DMD: variants seen among roughly 807,000 people sequenced by gnomAD.
DMD encodes the protein mutant dystrophin.
Under a neutral mutation model 330.1 loss-of-function variants are expected in DMD, and 63 were observed. The observed-to-expected ratio is 0.19, with a 90% CI of 0.16 to 0.24. The LOEUF is 0.24. DMD is among the 10% of genes least tolerant of loss of function. The pLI, the probability that DMD is intolerant of heterozygous loss-of-function variation, is 1.00. For missense variants in DMD, 3,344 were observed against 2,684.1 expected, an observed-to-expected ratio of 1.25 and a Z score of -5.43; for synonymous variants, 1,223 against 959.8, an observed-to-expected ratio of 1.27 and a Z score of -5.07.
At chrX:32,493,369 T>A (rs1368243207) in intron 19 of DMD, among the ~76,000 whole-genome samples, 13 of 111,672 alleles carry the variant, frequency 1.2e-4, no homozygotes, top group Non-Finnish European at 1.9e-5. Context: ...CCCCTCCTTC[T>A]TCCCTGATAT....
At chrX:32,493,187 C>T (rs1338890308) in intron 19 of DMD, among the ~76,000 whole-genome samples, 3 of 111,334 alleles carry the variant, frequency 2.7e-5, no homozygotes, top group Non-Finnish European at 5.7e-5. Flanking sequence ...CTTTCACTTC[C>T]CTCTGCCCTG....
At chrX:32,161,076 G>A (rs771906259) in intron 44 of DMD, among the ~76,000 whole-genome samples, 1 of 111,473 alleles carries the variant, frequency 9.0e-6, no homozygotes, top group Non-Finnish European at 1.9e-5. Context: ...TTTTATTCTT[G>A]CTTCCTATAT....
chrX:32,786,328 G>A lies in DMD; in HGVS notation c.649+23165C>T, dbSNP rs370224958. Among the ~76,000 whole-genome samples, 4 of 109,416 alleles carry A rather than the reference G, an allele frequency of 3.7e-5. No homozygotes were observed. The East Asian group carries it at 8.6e-4, about 23-fold the overall frequency. ...TCTAGATAAGAGATGTTCACATCAC[G>A]ACCTCACTGAGGAAATATTTGAGAT... On this transcript the variant is annotated intron_variant, in intron 7 of 78. Coordinates refer to ENST00000357033, the MANE Select transcript of DMD (RefSeq NM_004006.3).
chrX:32,627,761 G>C (rs983545881), intron 11 of DMD, among the ~76,000 whole-genome samples: 2 of 111,082 alleles, frequency 1.8e-5, no homozygotes, highest in Non-Finnish European at 3.8e-5. Context: ...AGTTCATTTG[G>C]TGGAATTTTA....
chrX:32,927,895 T>C, intron 2 of DMD, among the ~76,000 whole-genome samples: 1 of 111,178 alleles, frequency 9.0e-6, no homozygotes, highest in Non-Finnish European at 1.9e-5. Context: ...ATGCAGCATG[T>C]ATATAAATCA....
intron 1 of DMD, among the ~76,000 whole-genome samples, chrX:33,110,670 A>G (rs1455223123): frequency 1.8e-5 from 2 of 111,620 alleles, no homozygotes; most frequent in Non-Finnish European, 3.8e-5. Flanking sequence ...TAGTGAAAAT[A>G]AAGATGTAAT....
intron 51 of DMD, among the ~76,000 whole-genome samples, chrX:31,751,881 C>T (rs1260398907): frequency 8.9e-6 from 1 of 112,219 alleles, no homozygotes; most frequent in Non-Finnish European, 1.9e-5. Flanking sequence ...AAATGGGTCT[C>T]ACAAGCTAGA....
chrX:31,747,745 A>T, intron 51 of DMD, among the ~76,000 whole-genome samples: 1 of 112,115 alleles, frequency 8.9e-6, no homozygotes, highest in East Asian at 2.8e-4. Context: ...GAACAAGTAC[A>T]ATCAATTCTT....
At chrX:31,444,459 A>T (rs1438834301) in intron 60 of DMD, 22 bp downstream of exon 60, 1 of 1,208,422 alleles carries the variant, frequency 8.3e-7, no homozygotes, top group Admixed American at 2.2e-5. Context: ...ACAAAGGACA[A>T]CAATGTTTAC....
At chrX:32,740,280 G>A (rs887634528) in intron 7 of DMD, among the ~76,000 whole-genome samples, 2 of 110,146 alleles carry the variant, frequency 1.8e-5, no homozygotes, top group South Asian at 3.8e-4. Context: ...CTTTTGAGTC[G>A]CTGAGATATC....
intron 44 of DMD, among the ~76,000 whole-genome samples, chrX:31,997,087 A>G (rs962770911): frequency 8.9e-6 from 1 of 111,825 alleles, no homozygotes; most frequent in Non-Finnish European, 1.9e-5. Flanking sequence ...TGCTGCAAAG[A>G]GGTGCCTGAA....
chrX:32,342,386 TTTA>T, intron 40 of DMD, 104 bp from the exon 41 acceptor site: 1 of 855,778 alleles, frequency 1.2e-6, no homozygotes, highest in Non-Finnish European at 1.7e-6. Context: ...CTGTTGTCCC[TTTA>T]TTGTCATCCT....
In DMD at chrX:33,295,647, C is replaced by G. The variant is rs771818639; in HGVS notation, c.7+43612G>C. Reference sequence around the variant, plus strand: ...AGTAAAAATAAAGCCTTGTTCTAAACAAATTCAGAAACAAACACAGAGACT... The same window carrying G: ...AGTAAAAATAAAGCCTTGTTCTAAAGAAATTCAGAAACAAACACAGAGACT... On this transcript the variant is annotated intron_variant, in intron 1 of 17. Transcript: ENST00000288447. Among the ~76,000 whole-genome samples the G allele has an allele frequency of 3.6e-5, 4 of 111,483 alleles. No individual in the cohort carries two copies. In the East Asian group the frequency reaches 8.5e-4, roughly 24 times the overall value.
intron 47 of DMD, among the ~76,000 whole-genome samples, chrX:31,888,425 C>T (rs776709844): frequency 9.0e-6 from 1 of 111,697 alleles, no homozygotes; most frequent in South Asian, 3.8e-4. Context: ...ACAGCGCACT[C>T]TGAATGCATT....
rs982603382 is a variant in DMD, at chrX:31,920,739, C to T, written c.6912+8857G>A. 2.0e-4 allele frequency among the ~76,000 whole-genome samples: 22 copies of T among 111,703 alleles called. 1 individual carries two copies. Among genetic ancestry groups the T allele is most frequent in the African/African-American group, 6.5e-4 (20 of 30,751 alleles). The stretch of plus-strand genomic sequence containing the variant: ...TTCATCATTTTAAATCCATCATGAA[C>T]GGGGAGGAGAGATTGCTAAGAATAG... On this transcript the variant is annotated intron_variant, in intron 47 of 78. Coordinates refer to ENST00000357033, the MANE Select transcript of DMD (RefSeq NM_004006.3).
chrX:31,358,118 T>C (rs1298844119), intron 60 of DMD, among the ~76,000 whole-genome samples: 2 of 108,137 alleles, frequency 1.8e-5, no homozygotes, highest in Non-Finnish European at 1.9e-5. Flanking sequence ...GCCTCCCTCT[T>C]CCCTCATTCC....
chrX:32,058,566 TAA>T (rs34845512), intron 44 of DMD, among the ~76,000 whole-genome samples: 36 of 72,216 alleles, frequency 5.0e-4, no homozygotes, highest in East Asian at 1.3e-3. Flanking sequence ...TAACCATTAT[TAA>T]AAAAAAAAAA....
chrX:33,226,395 C>A (rs1179572752), intron 1 of DMD, among the ~76,000 whole-genome samples: 1 of 111,842 alleles, frequency 8.9e-6, no homozygotes, highest in East Asian at 2.8e-4. Flanking sequence ...TACAAAGGAA[C>A]ACATTGTTGA....
intron 29 of DMD, among the ~76,000 whole-genome samples, chrX:32,418,137 A>G (rs186004498): frequency 4.1e-3 from 451 of 111,296 alleles, no homozygotes; most frequent in Non-Finnish European, 6.5e-3. Flanking sequence ...TTATTACCTC[A>G]GAGGCCAGAA....
Sources: gnomAD v4.1 joint callset for allele counts (sites outside exome capture counted in the v4.1 genomes callset) on GRCh38, gnomAD v4.1.1 for gene constraint, MANE v1.5 for transcripts, NCBI Gene and HGNC (gene_info 2026-07-23, HGNC 2026-07-21) for gene names.